Variants in ANKRD18B observed in about 807,000 individuals in gnomAD.
ANKRD18B encodes ankyrin repeat domain 18B, also known as ankyrin repeat domain-containing protein 18B.
A neutral mutation model predicts 111.8 loss-of-function variants in ANKRD18B; 75 were observed. The observed-to-expected ratio is 0.67, with a 90% CI of 0.56 to 0.81. ANKRD18B has a LOEUF of 0.81. ANKRD18B is among the 40% of genes least tolerant of loss of function. The pLI, the probability that ANKRD18B is intolerant of heterozygous loss-of-function variation, is 0.00. For synonymous variants in ANKRD18B, 356 were observed against 417.3 expected, an observed-to-expected ratio of 0.85 and a Z score of 1.79; for missense variants, 1,038 against 1,225.5, an observed-to-expected ratio of 0.85 and a Z score of 2.28.
chr9:33,567,355 A>C, intron 16 of ANKRD18B, 41 bp downstream of exon 16: 110 of 1,493,248 alleles, frequency 7.4e-5, no homozygotes, highest in Non-Finnish European at 9.4e-5. Flanking sequence ...AATTAAACTC[A>C]TTAATTTGTT....
chr9:33,546,737 G>A (rs994531800), intron 10 of ANKRD18B, among the ~76,000 whole-genome samples: 8 of 152,110 alleles, frequency 5.3e-5, no homozygotes, highest in Non-Finnish European at 1.2e-4. Flanking sequence ...GCCACGAAAT[G>A]CTAGGCAATG....
chr9:33,556,042 T>G (rs1401001665), intron 13 of ANKRD18B, among the ~76,000 whole-genome samples: 1 of 152,008 alleles, frequency 6.6e-6, no homozygotes, highest in Non-Finnish European at 1.5e-5. Context: ...ATTAAAAAAA[T>G]CAAATTTCAG....
chr9:33,529,896 T>C (rs1828086022), intron 3 of ANKRD18B, among the ~76,000 whole-genome samples: 1 of 152,182 alleles, frequency 6.6e-6, no homozygotes. Flanking sequence ...AATTAGTAAC[T>C]GATTTATTAC....
intron 11 of ANKRD18B, 47 bp downstream of exon 11, chr9:33,548,902 T>C: frequency 7.1e-7 from 1 of 1,404,224 alleles, no homozygotes; most frequent in South Asian, 1.6e-5. Flanking sequence ...AATTTAAACA[T>C]TTCATTGTGG....
chr9:33,534,959 T>G (rs1828174658), intron 5 of ANKRD18B, among the ~76,000 whole-genome samples: 1 of 151,826 alleles, frequency 6.6e-6, no homozygotes, highest in African/African-American at 2.4e-5. Flanking sequence ...AGTTATTGGG[T>G]CTCGAAATGT....
chr9:33,559,919 C>T (rs1828581139), intron 14 of ANKRD18B, among the ~76,000 whole-genome samples: 1 of 152,152 alleles, frequency 6.6e-6, no homozygotes, highest in African/African-American at 2.4e-5. Flanking sequence ...CTTTCATCAC[C>T]TTAAAAACAA....
chr9:33,574,689 T>A (rs1275677976), downstream of ANKRD18B: 4 of 152,476 alleles, frequency 2.6e-5, no homozygotes, highest in East Asian at 7.7e-4. Flanking sequence ...CACCTGTGAG[T>A]GGAGCAGCTA....
intron 3 of ANKRD18B, among the ~76,000 whole-genome samples, chr9:33,531,813 T>C (rs963477085): frequency 2.6e-5 from 4 of 151,546 alleles, no homozygotes; most frequent in African/African-American, 7.3e-5. Context: ...TTTTTTTATA[T>C]CTATACCACA....
At chr9:33,546,577 C>T (rs1828359301) in intron 10 of ANKRD18B, among the ~76,000 whole-genome samples, 2 of 152,066 alleles carry the variant, frequency 1.3e-5, no homozygotes, top group African/African-American at 4.8e-5. Flanking sequence ...TTTCTTCTTT[C>T]AAAGTAAAAG....
intron 1 of ANKRD18B, among the ~76,000 whole-genome samples, chr9:33,525,173 G>A (rs1828009079): frequency 6.6e-6 from 1 of 152,004 alleles, no homozygotes; most frequent in Non-Finnish European, 1.5e-5. Flanking sequence ...TACATAAACC[G>A]AATGAAAATA....
At chr9:33,542,705 T>G (rs572964633) in intron 9 of ANKRD18B, among the ~76,000 whole-genome samples, 1 of 152,184 alleles carries the variant, frequency 6.6e-6, no homozygotes, top group East Asian at 1.9e-4. Flanking sequence ...CAAAAATAAA[T>G]TCATCAGAAC....
chr9:33,540,820 G>A (rs1828267965), intron 8 of ANKRD18B, among the ~76,000 whole-genome samples: 1 of 152,146 alleles, frequency 6.6e-6, no homozygotes, highest in African/African-American at 2.4e-5. Context: ...GCATGTCAGT[G>A]AATAGGCATG....
chr9:33,574,587 C>T (rs948221306), downstream of ANKRD18B: 2 of 152,898 alleles, frequency 1.3e-5, no homozygotes, highest in African/African-American at 4.8e-5. Flanking sequence ...TAGGACCACC[C>T]TTGGTGGAGA....
intron 13 of ANKRD18B, 95 bp downstream of exon 13, chr9:33,555,915 G>T: frequency 1.4e-5 from 11 of 811,206 alleles, no homozygotes; most frequent in Non-Finnish European, 1.9e-5. Flanking sequence ...TTCATTTTAT[G>T]TCTTCATTTT....
In ANKRD18B at chr9:33,548,712, G is replaced by C; in HGVS notation, c.1924G>C (p.Glu642Gln). Residue 642 changes from glutamate (E) to glutamine (Q), a missense_variant, in exon 11 of 19, where the codon GAG (glutamate) becomes CAG (glutamine). Coordinates refer to ENST00000684830, the MANE Select transcript of ANKRD18B (RefSeq NM_001393611.1). ...EDARKEGDNK[E>Q]IVINIHRDCL... is the part of the protein sequence containing the mutation. Reference sequence around the variant, plus strand: ...TGCTCGTAAGGAAGGTGATAATAAAGAGATAGTCATTAATATCCACAGAGA... The same window carrying C: ...TGCTCGTAAGGAAGGTGATAATAAACAGATAGTCATTAATATCCACAGAGA... The C allele has an allele frequency of 1.3e-6, 2 of 1,551,078 alleles. No individual in the cohort carries two copies. The highest frequency in any genetic ancestry group is 1.7e-6 in the Non-Finnish European group (2 of 1,146,606).
chr9:33,572,328 T>C lies in ANKRD18B; in HGVS notation c.3236T>C (p.Leu1079Ser). 1.9e-6 allele frequency: 3 copies of C among 1,611,232 alleles called. No homozygotes were observed. Among genetic ancestry groups the C allele is most frequent in the Non-Finnish European group, 2.5e-6 (3 of 1,178,356 alleles). The part of the protein sequence containing the change: ...ITETKKTFAA[L>S]GPCSYLLSSL... ...TTTTTCTTTCCAGCTTTTGCTGCGT[T>C]GGGCCCTTGCTCCTATCTACTTTCT... is the stretch of plus-strand genomic sequence containing the variant. The change falls in exon 19 of 19, where the codon TTG becomes TCG. Residue 1079 changes from leucine to serine, a missense_variant. Transcript: ENST00000684830.
chr9:33,544,517 T>C (rs1023231493), intron 10 of ANKRD18B, among the ~76,000 whole-genome samples: 5 of 152,150 alleles, frequency 3.3e-5, no homozygotes, highest in African/African-American at 1.2e-4. Flanking sequence ...AAAGAGGATA[T>C]ATCTGTATAT....
chr9:33,572,692 T>A lies in ANKRD18B; in HGVS notation c.*258T>A. 9.1e-7 allele frequency: 1 copy of A among 1,098,990 alleles called. No homozygotes were observed. The highest frequency in any genetic ancestry group is 1.1e-6 in the Non-Finnish European group (1 of 902,168). 68.1% of individuals were successfully genotyped at this position (1,098,990 alleles called of 1,614,324 possible). ...AAACAGCCAAACAACCAAGTCATCATTGATACTGTAGTAAAGGTCATCTTT... is the reference window on the plus strand; with the variant it reads ...AAACAGCCAAACAACCAAGTCATCAATGATACTGTAGTAAAGGTCATCTTT... On this transcript the variant is annotated 3_prime_UTR_variant, in exon 19 of 19. Coordinates refer to ENST00000684830, the MANE Select transcript of ANKRD18B (RefSeq NM_001393611.1).
intron 12 of ANKRD18B, among the ~76,000 whole-genome samples, chr9:33,551,219 G>A (rs1030287352): frequency 6.6e-6 from 1 of 152,114 alleles, no homozygotes; most frequent in African/African-American, 2.4e-5. Flanking sequence ...TCCTACCATG[G>A]GATTTTAAAA....
Sources: allele counts gnomAD v4.1 joint callset (sites outside exome capture counted in the v4.1 genomes callset), GRCh38; gene constraint gnomAD v4.1.1; transcripts MANE v1.5; gene names NCBI Gene and HGNC (gene_info 2026-07-23, HGNC 2026-07-21).